LRRIQ3: variants seen among roughly 807,000 people sequenced by gnomAD.
LRRIQ3 encodes the protein leucine rich repeats and IQ motif containing 3, also known as leucine-rich repeat and IQ domain-containing protein 3.
In LRRIQ3, 75 loss-of-function variants were observed where a neutral mutation model predicts 59.3. The observed-to-expected ratio is 1.26, with a 90% CI of 1.05 to 1.53. LRRIQ3 has a LOEUF of 1.53. LRRIQ3 is among the 40% of genes most tolerant of loss of function. The pLI is 0.00. For missense variants in LRRIQ3, 831 were observed against 710.0 expected (o/e 1.17, Z -1.94); for synonymous variants, 250 against 231.3 (o/e 1.08, Z -0.73).
intron 6 of LRRIQ3, among the ~76,000 whole-genome samples, chr1:74,072,671 T>C (rs932115603): frequency 2.6e-5 from 4 of 152,068 alleles, no homozygotes; most frequent in Admixed American, 2.6e-4. Flanking sequence ...CTCACATTTA[T>C]GCTCTGATTA....
At position 74,182,648 on chromosome 1, in the gene LRRIQ3, C is replaced by G; in HGVS notation, c.463G>C (p.Asp155His). The change falls in exon 3 of 8, where the codon GAT (aspartate) becomes CAT (histidine). Residue 155 changes from aspartate (D) to histidine (H), a missense_variant. Physicochemically the swap from Asp to His is moderately conservative, Grantham distance 81 (BLOSUM62 -1). Coordinates refer to ENST00000354431, the MANE Select transcript of LRRIQ3 (RefSeq NM_001105659.2). ...VNSIWPLKAL[D>H]HHVISDEEII... ...TCTTCATCAGAAATCACATGATGAT[C>G]CAGCGCTTTGAGAGGCCATATACTG... The G allele has an allele frequency of 6.2e-7, 1 of 1,611,170 alleles. No homozygotes were observed. Among genetic ancestry groups the G allele is most frequent in the Non-Finnish European group, 8.5e-7 (1 of 1,178,060 alleles).
intron 3 of LRRIQ3, among the ~76,000 whole-genome samples, chr1:74,169,354 AT>A (rs1398190021): frequency 6.6e-6 from 1 of 152,098 alleles, no homozygotes; most frequent in Non-Finnish European, 1.5e-5. Context: ...TCTCTTGGCC[AT>A]TATGAATAAT....
intron 7 of LRRIQ3, among the ~76,000 whole-genome samples, chr1:74,033,282 T>G (rs1653773594): frequency 6.6e-6 from 1 of 151,992 alleles, no homozygotes; most frequent in Admixed American, 6.6e-5. Flanking sequence ...CATTTTAGCA[T>G]AATCAAGGCA....
intron 1 of LRRIQ3, among the ~76,000 whole-genome samples, chr1:74,195,724 T>C (rs1197457538): frequency 1.3e-5 from 2 of 152,194 alleles, no homozygotes; most frequent in African/African-American, 4.8e-5. Flanking sequence ...AACAGATTAT[T>C]TCCTGTGTGT....
chr1:74,156,762 T>G (rs1321541580), intron 3 of LRRIQ3, among the ~76,000 whole-genome samples: 1 of 152,156 alleles, frequency 6.6e-6, no homozygotes, highest in Non-Finnish European at 1.5e-5. Flanking sequence ...TTGGAAAAGA[T>G]CCTGTATTGG....
At chr1:74,147,205 G>A (rs1008911459) in intron 4 of LRRIQ3, among the ~76,000 whole-genome samples, 1 of 152,210 alleles carries the variant, frequency 6.6e-6, no homozygotes, top group African/African-American at 2.4e-5. Flanking sequence ...GTCCATCCTG[G>A]ACTACAGGTA....
intron 1 of LRRIQ3, among the ~76,000 whole-genome samples, chr1:74,194,961 A>T (rs1434646557): frequency 1.3e-5 from 2 of 152,088 alleles, no homozygotes; most frequent in Admixed American, 6.5e-5. Context: ...TGGTATTTGG[A>T]CAAAGTAGAT....
At chr1:74,174,861 G>A (rs888072061) in intron 3 of LRRIQ3, among the ~76,000 whole-genome samples, 4 of 152,062 alleles carry the variant, frequency 2.6e-5, no homozygotes, top group Non-Finnish European at 5.9e-5. Flanking sequence ...AATTCTTTGT[G>A]AGGCAGTTAG....
At chr1:74,156,299 A>G (rs1648323769) in intron 3 of LRRIQ3, among the ~76,000 whole-genome samples, 1 of 152,192 alleles carries the variant, frequency 6.6e-6, no homozygotes, top group Admixed American at 6.5e-5. Flanking sequence ...AACAGATGCC[A>G]GCACCATACT....
rs1035361311 is a variant in LRRIQ3 at position 74,113,971 on chromosome 1, C to CTA, written c.708-4420_708-4419dup. Among the ~76,000 whole-genome samples the CTA allele has an allele frequency of 1.9e-3, 292 of 151,494 alleles. 2 individuals are homozygous for CTA. Among genetic ancestry groups the CTA allele is most frequent in the Non-Finnish European group, 3.2e-3 (219 of 67,818 alleles). ...CCTCTCTCTTTCTCTATCTCTCTCT[C>CTA]TATATATATACACACAACTATATAT... On this transcript the variant is annotated intron_variant, in intron 4 of 7. Transcript: ENST00000354431.
At chr1:74,191,021 T>C (rs539836999) in intron 1 of LRRIQ3, among the ~76,000 whole-genome samples, 1 of 152,290 alleles carries the variant, frequency 6.6e-6, no homozygotes, top group African/African-American at 2.4e-5. Context: ...CACATGGAAC[T>C]GTGAGTCCAC....
At chr1:74,030,037 A>C (rs1653650106) in intron 7 of LRRIQ3, among the ~76,000 whole-genome samples, 1 of 152,126 alleles carries the variant, frequency 6.6e-6, no homozygotes, top group African/African-American at 2.4e-5. Flanking sequence ...CAAAGAGAAT[A>C]AAATACCTAG....
In LRRIQ3 at chr1:74,109,572, GA is replaced by G; in HGVS notation, c.708-20del. On this transcript the variant is annotated intron_variant, in intron 4 of 7. Transcript: ENST00000354431. ...CACAGGGCTGAATATAAGGGGAGGG[GA>G]AAACTATTTGTTAGTTTTTTGCCAT... 2 of 1,529,384 alleles carry G rather than the reference GA, an allele frequency of 1.3e-6. No homozygotes were observed. The highest frequency in any genetic ancestry group is 1.7e-6 in the Non-Finnish European group (2 of 1,148,346). 94.7% of individuals were successfully genotyped at this position (1,529,384 alleles called of 1,614,324 possible).
At chr1:74,171,175 G>A (rs1649300098) in intron 3 of LRRIQ3, among the ~76,000 whole-genome samples, 1 of 151,898 alleles carries the variant, frequency 6.6e-6, no homozygotes, top group South Asian at 2.1e-4. Context: ...CTTTGGCTTG[G>A]ACTTCCAATA....
At chr1:74,183,835 C>T (rs1650178622) in intron 1 of LRRIQ3, 151 bp from the exon 2 acceptor site, 1 of 579,516 alleles carries the variant, frequency 1.7e-6, no homozygotes, top group African/African-American at 1.9e-5. Context: ...CTTTCTATCC[C>T]AAAATAACTT....
chr1:74,072,198 C>T (rs546090813), intron 6 of LRRIQ3, among the ~76,000 whole-genome samples: 1 of 152,120 alleles, frequency 6.6e-6, no homozygotes, highest in African/African-American at 2.4e-5. Context: ...AATCTATACT[C>T]TGTCAGAAAC....
intron 6 of LRRIQ3, among the ~76,000 whole-genome samples, chr1:74,043,611 T>C (rs1352425181): frequency 6.6e-6 from 1 of 152,114 alleles, no homozygotes; most frequent in Non-Finnish European, 1.5e-5. Context: ...AGTCAGAGTC[T>C]CTCATTAGTT....
intron 4 of LRRIQ3, among the ~76,000 whole-genome samples, chr1:74,147,598 T>G (rs1375631614): frequency 9.2e-5 from 14 of 152,134 alleles, no homozygotes; most frequent in Non-Finnish European, 1.9e-4. Flanking sequence ...TATTAAAAAT[T>G]TAATTTAAAA....
chr1:74,127,642 G>A (rs1313890755), intron 4 of LRRIQ3, among the ~76,000 whole-genome samples: 1 of 151,588 alleles, frequency 6.6e-6, no homozygotes, highest in Non-Finnish European at 1.5e-5. Context: ...TTAACTTTTT[G>A]TTGCTTCTAT....
Sources: allele counts gnomAD v4.1 joint callset (sites outside exome capture counted in the v4.1 genomes callset), GRCh38; gene constraint gnomAD v4.1.1; transcripts MANE v1.5; gene names NCBI Gene and HGNC (gene_info 2026-07-23, HGNC 2026-07-21).